Variants in UBE2G2 observed in about 807,000 individuals in gnomAD.
UBE2G2 encodes ubiquitin-conjugating enzyme E2 G2.
Under a neutral mutation model 23.0 loss-of-function variants are expected in UBE2G2, and 10 were observed. The ratio of observed to expected loss-of-function variants is 0.43; its 90% CI spans 0.27 to 0.74. UBE2G2 has a LOEUF of 0.74. UBE2G2 is among the 30% of genes least tolerant of loss of function. The pLI is 0.19. For missense variants in UBE2G2, 150 were observed against 218.3 expected, an observed-to-expected ratio of 0.69 and a Z score of 1.97; for synonymous variants, 86 against 81.3, an observed-to-expected ratio of 1.06 and a Z score of -0.31.
At chr21:44,795,581 A>G (rs1555963599) in intron 1 of UBE2G2, among the ~76,000 whole-genome samples, 1 of 151,912 alleles carries the variant, frequency 6.6e-6, no homozygotes, top group East Asian at 1.9e-4. Flanking sequence ...GCCATGAGCC[A>G]TGACTACACC....
intron 1 of UBE2G2, among the ~76,000 whole-genome samples, chr21:44,790,226 A>G (rs2083032288): frequency 6.6e-6 from 1 of 152,366 alleles, no homozygotes; most frequent in African/African-American, 2.4e-5. Context: ...TTTAGCAAGT[A>G]GATCTCTCAT....
intron 3 of UBE2G2, among the ~76,000 whole-genome samples, chr21:44,782,235 A>G (rs2082962793): frequency 1.3e-5 from 2 of 152,242 alleles, no homozygotes; most frequent in South Asian, 4.1e-4. Context: ...ATAAATTCAC[A>G]TACTCTAATC....
chr21:44,797,147 A>C (rs2083097073), intron 1 of UBE2G2, among the ~76,000 whole-genome samples: 1 of 152,136 alleles, frequency 6.6e-6, no homozygotes, highest in African/African-American at 2.4e-5. Flanking sequence ...CCTTCTACAC[A>C]TAGTCCAAAA....
At position 44,773,615 on chromosome 21, in the gene UBE2G2, C is replaced by A; in HGVS notation, c.317G>T (p.Ser106Ile). 2 of 1,612,446 alleles carry A rather than the reference C, an allele frequency of 1.2e-6. No homozygotes were observed. The highest frequency in any genetic ancestry group is 1.7e-6 in the Non-Finnish European group (2 of 1,180,038). The change falls in exon 5 of 6, where the codon AGC becomes ATC. Residue 106 changes from serine (S) to isoleucine (I), a missense_variant. By Grantham distance (142) the Ser-to-Ile change is moderately radical. Coordinates refer to ENST00000345496, the MANE Select transcript of UBE2G2 (RefSeq NM_003343.6). Reference protein sequence around the residue: ...PGDDPMGYESSAERWSPVQSV... With the variant: ...PGDDPMGYESIAERWSPVQSV... ...CTGCACAGGACTCCACCGCTCCGCG[C>A]TGCTCTCGTAGCCCATGGGGTCATC...
chr21:44,799,020 T>G (rs1292649765), intron 1 of UBE2G2, among the ~76,000 whole-genome samples: 3 of 152,214 alleles, frequency 2.0e-5, no homozygotes, highest in African/African-American at 7.2e-5. Flanking sequence ...CTTATACCTC[T>G]CCATCAGAGC....
chr21:44,789,505 G>GTGC (rs2083027243), intron 1 of UBE2G2, among the ~76,000 whole-genome samples: 1 of 151,892 alleles, frequency 6.6e-6, no homozygotes, highest in South Asian at 2.1e-4. Flanking sequence ...ATTGAACAAT[G>GTGC]GGGCACAAGA....
At position 44,769,554 on chromosome 21, in the gene UBE2G2, G is replaced by C. The variant is rs1015035100; in HGVS notation, c.*1823C>G. ...CGCCACCACGCCCGGCTAATTTTTTGTATTTTTAGTGGAGACAGGGTTTCA... is the reference window on the plus strand; with the variant it reads ...CGCCACCACGCCCGGCTAATTTTTTCTATTTTTAGTGGAGACAGGGTTTCA... On this transcript the variant is annotated 3_prime_UTR_variant, in exon 6 of 6. Coordinates refer to ENST00000345496, the MANE Select transcript of UBE2G2 (RefSeq NM_003343.6). The C allele has an allele frequency of 1.3e-5, 2 of 152,222 alleles. No individual in the cohort carries two copies. Among genetic ancestry groups the C allele is most frequent in the Middle Eastern group, 6.8e-3 (2 of 292 alleles). The allele number at this position is 152,222 out of a possible 1,614,324, so 9.4% of individuals were successfully genotyped here. A position where few individuals can be genotyped will look rare whatever the true frequency, so the allele number is the denominator to read the frequency against.
At chr21:44,791,460 G>A (rs1332602595) in intron 1 of UBE2G2, among the ~76,000 whole-genome samples, 1 of 152,160 alleles carries the variant, frequency 6.6e-6, no homozygotes, top group Non-Finnish European at 1.5e-5. Context: ...TGGCTAAAAA[G>A]GGCCAAGGTA....
At chr21:44,796,033 C>G (rs1971978450) in intron 1 of UBE2G2, among the ~76,000 whole-genome samples, 1 of 152,190 alleles carries the variant, frequency 6.6e-6, no homozygotes, top group South Asian at 2.1e-4. Flanking sequence ...AGAATGACCC[C>G]ATCAACACCT....
At chr21:44,794,002 T>TG (rs1302405718) in intron 1 of UBE2G2, among the ~76,000 whole-genome samples, 5 of 151,350 alleles carry the variant, frequency 3.3e-5, no homozygotes, top group African/African-American at 1.2e-4. Context: ...ACATATTACA[T>TG]GAAAAAAAAG....
At position 44,772,180 on chromosome 21, in the gene UBE2G2, G is replaced by A. The variant is rs117691697; in HGVS notation, c.386-691C>T. Among the ~76,000 whole-genome samples, 2,059 of 152,254 alleles carry A rather than the reference G, an allele frequency of 0.014. 18 individuals carry two copies. The highest frequency in any genetic ancestry group is 0.022 in the Non-Finnish European group (1,511 of 68,008). On this transcript the variant is annotated intron_variant, in intron 5 of 5. Coordinates refer to ENST00000345496, the MANE Select transcript of UBE2G2 (RefSeq NM_003343.6). The surrounding 1 kb of genome is among the most constrained non-coding windows in gnomAD (Gnocchi z 5.4). ...GCTGCTCAGAATGCACGTGGGGACC[G>A]GTTCAGAGCAGAGTTGATGAGGATA...
At chr21:44,775,971 G>C (rs1480291142) in intron 4 of UBE2G2, among the ~76,000 whole-genome samples, 1 of 152,178 alleles carries the variant, frequency 6.6e-6, no homozygotes, top group Non-Finnish European at 1.5e-5. Context: ...AAGCAGCTTT[G>C]AGATAAGAAA....
chr21:44,789,070 C>T (rs2083022708), intron 1 of UBE2G2, among the ~76,000 whole-genome samples: 1 of 151,850 alleles, frequency 6.6e-6, no homozygotes, highest in African/African-American at 2.4e-5. Context: ...TCCAGAATAG[C>T]CAAGACACTA....
Position 44,801,786 on chromosome 21 carries a change from C to A in UBE2G2, c.-38G>T. 6.6e-7 allele frequency: 1 copy of A among 1,505,324 alleles called. No individual in the cohort carries two copies. The highest frequency in any genetic ancestry group is 2.8e-5 in the East Asian group (1 of 35,150). The allele number at this position is 1,505,324 out of a possible 1,614,324, so 93.2% of individuals were successfully genotyped here. On this transcript the variant is annotated 5_prime_UTR_variant, in exon 1 of 6. Coordinates refer to ENST00000345496, the MANE Select transcript of UBE2G2 (RefSeq NM_003343.6). ...GCTGCGCCGAGCGACCTCGCCTCAG[C>A]CGCGCGCGTGCCTCCTGCCCCGACA...
rs1555960690 is a variant in UBE2G2, at chr21:44,777,169, T to G, written c.244+130A>C. Reference sequence around the variant, plus strand: ...ACCACCATGCTTACTTGGCTGAATTTCAAAACATAAGAAGTGTTTTCTAAA... The same window carrying G: ...ACCACCATGCTTACTTGGCTGAATTGCAAAACATAAGAAGTGTTTTCTAAA... On this transcript the variant is annotated intron_variant, in intron 4 of 5. Coordinates refer to ENST00000345496, the MANE Select transcript of UBE2G2 (RefSeq NM_003343.6). 3.7e-6 allele frequency: 3 copies of G among 806,608 alleles called. No homozygotes were observed. The African/African-American group carries it at 5.2e-5, about 14-fold the overall frequency. 50.0% of individuals were successfully genotyped at this position (806,608 alleles called of 1,614,324 possible). A position where few individuals can be genotyped will look rare whatever the true frequency, so the allele number is the denominator to read the frequency against.
At chr21:44,778,315 G>T (rs2082928970) in intron 3 of UBE2G2, among the ~76,000 whole-genome samples, 1 of 152,218 alleles carries the variant, frequency 6.6e-6, no homozygotes, top group South Asian at 2.1e-4. Flanking sequence ...ACCACTCCAG[G>T]CTGCACCTGC....
intron 1 of UBE2G2, among the ~76,000 whole-genome samples, chr21:44,792,448 G>A (rs578249969): frequency 6.6e-6 from 1 of 152,166 alleles, no homozygotes; most frequent in Non-Finnish European, 1.5e-5. Flanking sequence ...GTGATAGCGA[G>A]TTCTCAGGAG....
At chr21:44,785,745 T>C (rs1389894546) in intron 3 of UBE2G2, 1 of 152,176 alleles carries the variant, frequency 6.6e-6, no homozygotes, top group Non-Finnish European at 1.5e-5. Context: ...AATTCCCTAA[T>C]AGGCATTTTA....
At chr21:44,797,714 C>CAAAAAAAAAAAAAA (rs60369865) in intron 1 of UBE2G2, among the ~76,000 whole-genome samples, 6 of 39,322 alleles carry the variant, frequency 1.5e-4, no homozygotes, top group African/African-American at 6.9e-4. Flanking sequence ...AACTCCGTCT[C>CAAAAAAAAAAAAAA]AAAAAAAAAA....
Sources: allele counts gnomAD v4.1 joint callset (sites outside exome capture counted in the v4.1 genomes callset), GRCh38; gene constraint gnomAD v4.1.1; non-coding constraint Gnocchi (gnomAD v3.1); transcripts MANE v1.5; gene names NCBI Gene and HGNC (gene_info 2026-07-23, HGNC 2026-07-21).